Variants in GLB1L3 observed in about 807,000 individuals in gnomAD.
GLB1L3 encodes galactosidase beta 1 like 3.
In GLB1L3, 89 loss-of-function variants were observed where a neutral mutation model predicts 89.5. That is an observed-to-expected ratio of 0.99 (90% CI 0.84 to 1.19). The LOEUF is 1.19. Among genes scored for constraint, GLB1L3 ranks in the 50% most tolerant of loss-of-function variants. The pLI, the probability that GLB1L3 is intolerant of heterozygous loss-of-function variation, is 0.00. For synonymous variants in GLB1L3, 314 were observed against 312.3 expected, an observed-to-expected ratio of 1.01 and a Z score of -0.06; for missense variants, 812 against 813.3, an observed-to-expected ratio of 1.00 and a Z score of 0.02.
intron 9 of GLB1L3, among the ~76,000 whole-genome samples, chr11:134,301,497 T>C (rs945611089): frequency 1.3e-5 from 2 of 152,214 alleles, no homozygotes; most frequent in African/African-American, 4.8e-5. Flanking sequence ...CTGATCTTAA[T>C]TATTGATTCG....
chr11:134,277,263 G>C (rs754862830), intron 1 of GLB1L3, 63 bp from the exon 2 acceptor site: 2 of 1,609,668 alleles, frequency 1.2e-6, no homozygotes, highest in East Asian at 2.2e-5. Flanking sequence ...ACAGCTTCCC[G>C]GCCCTTGCAG....
At chr11:134,299,435 A>G (rs148984827) in intron 9 of GLB1L3, among the ~76,000 whole-genome samples, 1 of 152,150 alleles carries the variant, frequency 6.6e-6, no homozygotes, top group East Asian at 1.9e-4. Context: ...CCTGCCTTTC[A>G]TTCTGCTAGG....
At chr11:134,278,548 C>T (rs1294414947) in intron 3 of GLB1L3, among the ~76,000 whole-genome samples, 1 of 152,120 alleles carries the variant, frequency 6.6e-6, no homozygotes, top group Non-Finnish European at 1.5e-5. Flanking sequence ...AAGGGAACAC[C>T]ACGGTCGTCC....
At position 134,289,204 on chromosome 11, in the gene GLB1L3, GAA is replaced by G. The variant is rs559360890; in HGVS notation, c.729+317_729+318del. Among the ~76,000 whole-genome samples, 322 of 152,244 alleles carry G rather than the reference GAA, an allele frequency of 2.1e-3. 1 individual carries two copies. The highest frequency in any genetic ancestry group is 0.01 in the Middle Eastern group (3 of 294). ...TTACAGCAAAGTAAGCTTCAGAAAA[GAA>G]AATGTTACTAAGAAAATCATAAGGA... On this transcript the variant is annotated intron_variant, in intron 7 of 19. Coordinates refer to ENST00000431683, the MANE Select transcript of GLB1L3 (RefSeq NM_001080407.3).
At chr11:134,308,413 C>T (rs145436338) in intron 10 of GLB1L3, among the ~76,000 whole-genome samples, 1,325 of 36,578 alleles carry the variant, frequency 0.036, 111 homozygotes, top group Admixed American at 0.065. Flanking sequence ...ATCACCACCA[C>T]CACCATCATC....
At position 134,307,195 on chromosome 11, in the gene GLB1L3, T is replaced by G; in HGVS notation, c.948T>G (p.Val316=). ...WFDRWGDKHH[V]KDAKEVEHAV... ...ACAGATGGGGAGATAAGCACCATGTTAAAGATGCAAAGGGTGAGTGTTTTG... is the reference window on the plus strand; with the variant it reads ...ACAGATGGGGAGATAAGCACCATGTGAAAGATGCAAAGGGTGAGTGTTTTG... The change falls in exon 10 of 20, where the codon GTT becomes GTG. Residue 316 remains valine, a synonymous_variant. Coordinates refer to ENST00000431683, the MANE Select transcript of GLB1L3 (RefSeq NM_001080407.3). 1 of 1,612,932 alleles carries G rather than the reference T, an allele frequency of 6.2e-7. No homozygotes were observed. Among genetic ancestry groups the G allele is most frequent in the East Asian group, 2.2e-5 (1 of 44,876 alleles).
intron 11 of GLB1L3, 90 bp from the exon 12 acceptor site, chr11:134,310,481 C>T (rs780347043): frequency 1.0e-4 from 92 of 914,032 alleles, no homozygotes; most frequent in Non-Finnish European, 1.4e-4. Flanking sequence ...GTCTCACTCA[C>T]GGTGGCCCTG....
rs539870960 is a variant in GLB1L3, at chr11:134,285,346, G to T, written c.636+1501G>T. On this transcript the variant is annotated intron_variant, in intron 6 of 19. Coordinates refer to ENST00000431683, the MANE Select transcript of GLB1L3 (RefSeq NM_001080407.3). ...TGTGACAAAAAAAGAACATTGTACTGTGCGGTCTACAAGACAGCATTGTTT... is the reference window on the plus strand; with the variant it reads ...TGTGACAAAAAAAGAACATTGTACTTTGCGGTCTACAAGACAGCATTGTTT... Among the ~76,000 whole-genome samples, 43 of 152,284 alleles carry T rather than the reference G, an allele frequency of 2.8e-4. No homozygotes were observed. The Middle Eastern group carries it at 0.01, about 36-fold the overall frequency.
Position 134,308,350 on chromosome 11 carries a change from TCACCACTACCACCAC to T in GLB1L3, c.961+1149_961+1163del, listed in dbSNP as rs1942404014. On this transcript the variant is annotated intron_variant, in intron 10 of 19. Coordinates refer to ENST00000431683, the MANE Select transcript of GLB1L3 (RefSeq NM_001080407.3). The stretch of plus-strand genomic sequence containing the variant: ...ACCATCACCATCACCATCATCACCA[TCACCACTACCACCAC>T]CACCACCACCACCATCACCACCATC... 1.0e-4 allele frequency among the ~76,000 whole-genome samples: 2 copies of T among 19,346 alleles called. 1 individual carries two copies. The highest frequency in any genetic ancestry group is 2.1e-4 in the Non-Finnish European group (2 of 9,472). The allele number at this position is 19,346 out of a possible 152,430, so 12.7% of individuals were successfully genotyped here. A position where few individuals can be genotyped will look rare whatever the true frequency, so the allele number is the denominator to read the frequency against.
At chr11:134,293,040 G>A in intron 8 of GLB1L3, 105 bp from the exon 9 acceptor site, 1 of 863,384 alleles carries the variant, frequency 1.2e-6, no homozygotes, top group Non-Finnish European at 1.9e-6. Context: ...CCTCACTGCT[G>A]AGCATGGGTT....
intron 11 of GLB1L3, 187 bp downstream of exon 11, chr11:134,309,950 G>A: frequency 1.5e-6 from 1 of 652,568 alleles, no homozygotes; most frequent in Non-Finnish European, 2.6e-6. Context: ...TGTCATTGCA[G>A]TAGACAGGGC....
At chr11:134,279,514 C>T (rs952534947) in intron 3 of GLB1L3, among the ~76,000 whole-genome samples, 4 of 151,836 alleles carry the variant, frequency 2.6e-5, no homozygotes, top group Admixed American at 6.6e-5. Flanking sequence ...TTATGGCTCC[C>T]GCCACCACAC....
At chr11:134,314,168 AG>A in intron 17 of GLB1L3, 140 bp downstream of exon 17, 1 of 740,540 alleles carries the variant, frequency 1.4e-6, no homozygotes. Context: ...CGTCAGAACT[AG>A]GGCCCTGGAA....
rs1942859459 is a variant in GLB1L3 at position 134,313,798 on chromosome 11, ACAG to A, written c.1580-139_1580-137del. 9.1e-6 allele frequency: 6 copies of A among 661,788 alleles called. No individual in the cohort carries two copies. In the Admixed American group the frequency reaches 1.3e-4, roughly 15 times the overall value. 41.0% of individuals were successfully genotyped at this position (661,788 alleles called of 1,614,324 possible). ...AACATACAGCTAGAACCCTTCAGTC[ACAG>A]CAGGTCAGACAAATGTTTGCCCTCC... is the stretch of plus-strand genomic sequence containing the variant. On this transcript the variant is annotated intron_variant, in intron 16 of 19. Coordinates refer to ENST00000431683, the MANE Select transcript of GLB1L3 (RefSeq NM_001080407.3).
chr11:134,309,734 G>A lies in GLB1L3; in HGVS notation c.1070G>A (p.Gly357Glu). ...FGFMNGATYF[G>E]KHSGIVTSYD... is the part of the protein sequence containing the mutation. Reference sequence around the variant, plus strand: ...TTCATGAACGGGGCCACATATTTCGGGAAGCACTCGGGCATTGTCACCAGC... The same window carrying A: ...TTCATGAACGGGGCCACATATTTCGAGAAGCACTCGGGCATTGTCACCAGC... Residue 357 changes from glycine to glutamate, a missense_variant, in exon 11 of 20, where the codon GGG becomes GAG. Around this residue, in one of 3 missense-constraint regions of GLB1L3, gnomAD observed 618 missense variants for 604.0 expected, o/e 1.02. Transcript: ENST00000431683. The A allele has an allele frequency of 3.1e-6, 5 of 1,613,550 alleles. No homozygotes were observed. The highest frequency in any genetic ancestry group is 4.2e-6 in the Non-Finnish European group (5 of 1,179,766).
At chr11:134,303,586 T>A (rs1311376429) in intron 9 of GLB1L3, among the ~76,000 whole-genome samples, 1 of 152,242 alleles carries the variant, frequency 6.6e-6, no homozygotes, top group African/African-American at 2.4e-5. Context: ...GCTCTCCGCC[T>A]GGATTGTACA....
At chr11:134,305,086 A>T (rs1241935746) in intron 9 of GLB1L3, 1 of 1,548,394 alleles carries the variant, frequency 6.5e-7, no homozygotes, top group East Asian at 2.4e-5. Context: ...ATCTTTACCC[A>T]TCTTCCTTTT....
At chr11:134,297,961 C>G (rs937367921) in intron 9 of GLB1L3, among the ~76,000 whole-genome samples, 9 of 150,674 alleles carry the variant, frequency 6.0e-5, no homozygotes, top group African/African-American at 2.2e-4. Context: ...GTAGGTAGTA[C>G]TAGGATTGTA....
chr11:134,308,544 TCACCATCACCATCACCAC>T (rs1942507169), intron 10 of GLB1L3, among the ~76,000 whole-genome samples: 1 of 16,510 alleles, frequency 6.1e-5, no homozygotes, highest in Non-Finnish European at 1.7e-4. Context: ...ACCACCACCA[TCACCATCACCATCACCAC>T]CACCACCACC....
Sources: gnomAD v4.1 joint callset for allele counts (sites outside exome capture counted in the v4.1 genomes callset) on GRCh38, gnomAD v4.1.1 for gene constraint, gnomAD v4.1.1 regional missense constraint, MANE v1.5 for transcripts, NCBI Gene and HGNC (gene_info 2026-07-23, HGNC 2026-07-21) for gene names.